Variants in ANK3 observed in about 807,000 individuals in gnomAD.
The protein encoded by ANK3 is ankyrin 3.
A neutral mutation model predicts 370.9 loss-of-function variants in ANK3; 57 were observed. The ratio of observed to expected loss-of-function variants is 0.15; its 90% CI spans 0.12 to 0.19. ANK3 has a LOEUF of 0.19. Among genes scored for constraint, ANK3 ranks in the 10% least tolerant of loss-of-function variants. ANK3 has a pLI of 1.00. For synonymous variants in ANK3, 1,929 were observed against 1,946.3 expected (o/e 0.99, Z 0.23); for missense variants, 4,439 against 5,302.1 (o/e 0.84, Z 5.06).
intron 1 of ANK3, among the ~76,000 whole-genome samples, chr10:60,388,207 A>G (rs2062686511): frequency 6.6e-6 from 1 of 152,252 alleles, no homozygotes; most frequent in Non-Finnish European, 1.5e-5. Context: ...AAGAATATCA[A>G]AGTAGGAACT....
intron 2 of ANK3, among the ~76,000 whole-genome samples, chr10:60,467,915 A>G (rs938773887): frequency 4.6e-5 from 7 of 152,196 alleles, no homozygotes; most frequent in African/African-American, 1.7e-4. Flanking sequence ...TTACATAAAC[A>G]CAATGTGAAA....
At chr10:60,192,379 G>T (rs1202501208) in intron 16 of ANK3, among the ~76,000 whole-genome samples, 2 of 150,242 alleles carry the variant, frequency 1.3e-5, no homozygotes, top group Admixed American at 1.3e-4. Context: ...CAGCTATAAA[G>T]TCTTGTTTGA....
intron 2 of ANK3, among the ~76,000 whole-genome samples, chr10:60,431,007 T>G (rs2064009045): frequency 2.0e-5 from 3 of 152,230 alleles, no homozygotes; most frequent in Admixed American, 1.3e-4. Flanking sequence ...GAACTGGTTT[T>G]GTGGAAGACA....
intron 28 of ANK3, among the ~76,000 whole-genome samples, chr10:60,094,906 T>C (rs1271252770): frequency 6.6e-6 from 1 of 152,232 alleles, no homozygotes; most frequent in African/African-American, 2.4e-5. Context: ...AACCTGTTTT[T>C]TCCCTGTTTC....
At chr10:60,288,139 T>C (rs2040459955) in intron 1 of ANK3, among the ~76,000 whole-genome samples, 1 of 152,084 alleles carries the variant, frequency 6.6e-6, no homozygotes, top group South Asian at 2.1e-4. Flanking sequence ...AGGACATTAG[T>C]AATAACAGTA....
intron 12 of ANK3, among the ~76,000 whole-genome samples, chr10:60,201,995 G>A (rs916426878): frequency 2.6e-5 from 4 of 151,952 alleles, no homozygotes; most frequent in Non-Finnish European, 4.4e-5. Context: ...GATTACAGGC[G>A]TGAGCCACCA....
chr10:60,659,350 C>T (rs35471473), intron 1 of ANK3, among the ~76,000 whole-genome samples: 50,574 of 151,902 alleles, frequency 0.33, 8,968 homozygotes, highest in South Asian at 0.56. Context: ...AGTTCTTTTT[C>T]CCAGTTCCAT....
chr10:60,226,524 TATAGTATATATACATAGTATA>T (rs2097156202), intron 8 of ANK3, among the ~76,000 whole-genome samples: 1 of 56,996 alleles, frequency 1.8e-5, no homozygotes, highest in African/African-American at 1.4e-4. Context: ...GTATATATAC[TATAGTATATATACATAGTATA>T]TATACTATAG....
chr10:60,181,480 A>T (rs1359574912), intron 17 of ANK3, 53 bp from the exon 18 acceptor site: 1 of 1,503,332 alleles, frequency 6.7e-7, no homozygotes, highest in Non-Finnish European at 9.3e-7. Flanking sequence ...TGTCACACAC[A>T]TAGCCATGTT....
At chr10:60,342,444 A>G (rs1007733563) in intron 1 of ANK3, among the ~76,000 whole-genome samples, 1 of 152,164 alleles carries the variant, frequency 6.6e-6, no homozygotes, top group Admixed American at 6.5e-5. Context: ...AATTTGGAGG[A>G]AAACTTAAGA....
chr10:60,597,574 A>T (rs981829262), intron 2 of ANK3, among the ~76,000 whole-genome samples: 1 of 151,912 alleles, frequency 6.6e-6, no homozygotes, highest in Non-Finnish European at 1.5e-5. Context: ...CGCCTCCTTC[A>T]CCTCCCCCAA....
chr10:60,645,012 T>G (rs779598443), intron 1 of ANK3, among the ~76,000 whole-genome samples: 2 of 152,036 alleles, frequency 1.3e-5, no homozygotes, highest in Non-Finnish European at 2.9e-5. Context: ...TAAAGTTTTA[T>G]TTACTGTAAA....
intron 2 of ANK3, among the ~76,000 whole-genome samples, chr10:60,451,759 G>A (rs1177768121): frequency 6.6e-6 from 1 of 152,204 alleles, no homozygotes; most frequent in Non-Finnish European, 1.5e-5. Flanking sequence ...TCTTTGGGCT[G>A]TTTGTTCCCA....
chr10:60,049,854 A>AG (rs1412726148), intron 42 of ANK3, among the ~76,000 whole-genome samples: 8 of 152,164 alleles, frequency 5.3e-5, no homozygotes, highest in Non-Finnish European at 2.9e-5. Context: ...GTTTTCTCAG[A>AG]GAAAAACTTC....
At chr10:60,200,621 C>A (rs974079159) in intron 12 of ANK3, among the ~76,000 whole-genome samples, 5 of 151,864 alleles carry the variant, frequency 3.3e-5, no homozygotes, top group African/African-American at 1.2e-4. Flanking sequence ...CCACACCCCC[C>A]ACATCTGCAG....
chr10:60,072,376 A>G lies in ANK3; in HGVS notation c.8505T>C (p.Cys2835=). The change falls in exon 37 of 44, where the codon TGT becomes TGC. Residue 2835 remains cysteine (C), a synonymous_variant. Coordinates refer to ENST00000280772, the MANE Select transcript of ANK3 (RefSeq NM_020987.5). The part of the protein sequence containing the change: ...FSEQQAKDLA[C]HITSDLATRG... ...TAGTTGCTAAATCTGAGGTTATATG[A>G]CATGCCAAGTCTTTAGCCTGCTGCT... is the stretch of plus-strand genomic sequence containing the variant. The G allele has an allele frequency of 6.2e-7, 1 of 1,613,996 alleles. No individual in the cohort carries two copies. Among genetic ancestry groups the G allele is most frequent in the South Asian group, 1.1e-5 (1 of 91,034 alleles).
At chr10:60,064,364 T>C in intron 38 of ANK3, 76 bp from the exon 39 acceptor site, 1 of 1,417,904 alleles carries the variant, frequency 7.1e-7, no homozygotes, top group South Asian at 1.3e-5. Context: ...AATGCTCAAT[T>C]GCCACAAAAA....
intron 2 of ANK3, among the ~76,000 whole-genome samples, chr10:60,456,761 C>T (rs2064758900): frequency 6.6e-6 from 1 of 152,146 alleles, no homozygotes; most frequent in African/African-American, 2.4e-5. Context: ...CTCTAAGACT[C>T]AAGTCCTGGC....
chr10:60,302,000 C>T (rs1210350800), intron 1 of ANK3, among the ~76,000 whole-genome samples: 1 of 152,172 alleles, frequency 6.6e-6, no homozygotes, highest in Non-Finnish European at 1.5e-5. Flanking sequence ...AGTCTATTCA[C>T]TCAACACATA....
Sources: gnomAD v4.1 joint callset for allele counts (sites outside exome capture counted in the v4.1 genomes callset) on GRCh38, gnomAD v4.1.1 for gene constraint, MANE v1.5 for transcripts, NCBI Gene and HGNC (gene_info 2026-07-23, HGNC 2026-07-21) for gene names.